The following CACNA2D1 variants were observed in gnomAD, a reference collection of about 807,000 sequenced individuals.
The protein encoded by CACNA2D1 is voltage-dependent calcium channel subunit alpha-2/delta-1.
A neutral mutation model predicts 171.5 loss-of-function variants in CACNA2D1; 53 were observed. The ratio of observed to expected loss-of-function variants is 0.31; its 90% CI spans 0.25 to 0.39. The LOEUF is 0.39. CACNA2D1 is among the 10% of genes least tolerant of loss of function. The pLI is 1.00. For synonymous variants in CACNA2D1, 442 were observed against 443.1 expected, an observed-to-expected ratio of 1.00 and a Z score of 0.03; for missense variants, 903 against 1,299.8, an observed-to-expected ratio of 0.69 and a Z score of 4.69.
At chr7:82,158,876 A>C (rs1295004811) in intron 4 of CACNA2D1, among the ~76,000 whole-genome samples, 5 of 151,892 alleles carry the variant, frequency 3.3e-5, no homozygotes, top group Non-Finnish European at 5.9e-5. Flanking sequence ...TTAAACAGCA[A>C]ATATCCTATT....
Position 82,140,954 on chromosome 7 carries a change from T to TTAAAAAAA in CACNA2D1, c.355-4279_355-4278insTTTTTTTA, listed in dbSNP as rs1368347851. On this transcript the variant is annotated intron_variant, in intron 4 of 38. Coordinates refer to ENST00000356860, the MANE Select transcript of CACNA2D1 (RefSeq NM_000722.4). The stretch of plus-strand genomic sequence containing the variant: ...TAGGCGACAGAGCAAGACTCGTCTC[T>TTAAAAAAA]AAAAAAAAAAAAAAAGAAAAAAAAA... Among the ~76,000 whole-genome samples the TTAAAAAAA allele has an allele frequency of 3.6e-3, 329 of 91,722 alleles. 4 individuals are homozygous for TTAAAAAAA. Among genetic ancestry groups the TTAAAAAAA allele is most frequent in the Middle Eastern group, 0.014 (2 of 148 alleles). 60.2% of individuals were successfully genotyped at this position (91,722 alleles called of 152,430 possible).
intron 3 of CACNA2D1, among the ~76,000 whole-genome samples, chr7:82,188,494 G>A (rs1797986682): frequency 6.6e-6 from 1 of 152,006 alleles, no homozygotes; most frequent in Admixed American, 6.6e-5. Flanking sequence ...GTATCATCAT[G>A]GGAACTTGGT....
chr7:82,196,157 G>A (rs1798833561), intron 3 of CACNA2D1, among the ~76,000 whole-genome samples: 1 of 152,038 alleles, frequency 6.6e-6, no homozygotes, highest in South Asian at 2.1e-4. Context: ...CAAAGTAGAA[G>A]ATTAGCTAAG....
chr7:82,111,348 A>C (rs542160230), intron 6 of CACNA2D1, among the ~76,000 whole-genome samples: 2 of 107,548 alleles, frequency 1.9e-5, no homozygotes, highest in African/African-American at 3.6e-5. Context: ...ATATATTCAT[A>C]TATATGTGTA....
chr7:82,342,586 T>C (rs924943585), intron 2 of CACNA2D1, among the ~76,000 whole-genome samples: 4 of 152,068 alleles, frequency 2.6e-5, no homozygotes, highest in Non-Finnish European at 2.9e-5. Flanking sequence ...ATTCCAACAA[T>C]AGAATAAATA....
At chr7:82,385,909 C>A (rs1824306887) in intron 1 of CACNA2D1, among the ~76,000 whole-genome samples, 1 of 152,128 alleles carries the variant, frequency 6.6e-6, no homozygotes, top group South Asian at 2.1e-4. Context: ...AAGTGATCCA[C>A]CTGCCTCGGC....
intron 1 of CACNA2D1, among the ~76,000 whole-genome samples, chr7:82,409,995 A>T (rs1445767064): frequency 6.6e-6 from 1 of 152,226 alleles, no homozygotes; most frequent in African/African-American, 2.4e-5. Context: ...ATATTTAAAC[A>T]TATGTCAACA....
In CACNA2D1 at chr7:82,376,096, G is replaced by A. The variant is rs569340943; in HGVS notation, c.96-26447C>T. 1.8e-4 allele frequency among the ~76,000 whole-genome samples: 28 copies of A among 152,230 alleles called. No individual in the cohort carries two copies. The South Asian group carries it at 5.6e-3, about 30-fold the overall frequency. On this transcript the variant is annotated intron_variant, in intron 1 of 38. Transcript: ENST00000356860. ...AACATACACAAAAAAAAATCTGCCTGGTGTCCAATTCATCAGCCTGGGAGA... is the reference window on the plus strand; with the variant it reads ...AACATACACAAAAAAAAATCTGCCTAGTGTCCAATTCATCAGCCTGGGAGA...
At chr7:82,181,427 AC>A (rs1179906696) in intron 3 of CACNA2D1, among the ~76,000 whole-genome samples, 1 of 152,142 alleles carries the variant, frequency 6.6e-6, no homozygotes, top group Admixed American at 6.5e-5. Flanking sequence ...GTGTGCCCAG[AC>A]CCGCTGGGGC....
In CACNA2D1 at chr7:81,965,609, A is replaced by G. The variant is rs1484996629; in HGVS notation, c.2559T>C (p.Asp853=). The change falls in exon 32 of 39, where the codon GAT becomes GAC. Residue 853 remains aspartate, a synonymous_variant. Transcript: ENST00000356860. ...DGGFLLMANH[D]DYTNQIGRFF... is the part of the protein sequence containing the mutation. The stretch of plus-strand genomic sequence containing the variant: ...AGGTACATACCTGATTAGTATAATC[A>G]TCATGATTTGCCATCAGAAGAAACC... 1.3e-6 allele frequency: 2 copies of G among 1,576,354 alleles called. No individual in the cohort carries two copies. Among genetic ancestry groups the G allele is most frequent in the East Asian group, 2.2e-5 (1 of 44,546 alleles).
chr7:82,368,035 C>T (rs1821950751), intron 1 of CACNA2D1, among the ~76,000 whole-genome samples: 1 of 152,108 alleles, frequency 6.6e-6, no homozygotes, highest in Admixed American at 6.5e-5. Flanking sequence ...GAAGCCATCG[C>T]ATTAGCAACC....
intron 3 of CACNA2D1, among the ~76,000 whole-genome samples, chr7:82,225,516 C>T (rs142193618): frequency 6.6e-6 from 1 of 152,204 alleles, no homozygotes; most frequent in African/African-American, 2.4e-5. Flanking sequence ...AAAAGTTGCA[C>T]ATCTTATATG....
At chr7:82,360,859 T>C (rs975652748) in intron 1 of CACNA2D1, among the ~76,000 whole-genome samples, 4 of 152,096 alleles carry the variant, frequency 2.6e-5, no homozygotes, top group East Asian at 1.9e-4. Flanking sequence ...TATTTAACAA[T>C]CAAAAAGCTG....
intron 4 of CACNA2D1, among the ~76,000 whole-genome samples, chr7:82,162,417 G>A (rs969696223): frequency 2.0e-5 from 3 of 151,976 alleles, no homozygotes; most frequent in Non-Finnish European, 4.4e-5. Flanking sequence ...CGGCTAGGCT[G>A]GTTTGGAAGG....
intron 10 of CACNA2D1, chr7:82,050,332 C>A: frequency 2.4e-6 from 1 of 415,680 alleles, no homozygotes. Context: ...AAATACAAGC[C>A]CTCTGAGTCA....
chr7:82,329,706 T>C (rs913984183), intron 3 of CACNA2D1, among the ~76,000 whole-genome samples: 5 of 152,264 alleles, frequency 3.3e-5, no homozygotes, highest in African/African-American at 1.2e-4. Context: ...TTAAGAATAA[T>C]CCAATGATAT....
intron 38 of CACNA2D1, among the ~76,000 whole-genome samples, chr7:81,952,757 T>C (rs1792754817): frequency 6.6e-6 from 1 of 152,122 alleles, no homozygotes; most frequent in East Asian, 1.9e-4. Flanking sequence ...GATGATCTAA[T>C]CCCCAGTCCT....
chr7:82,127,327 CCT>C (rs1450313650), intron 5 of CACNA2D1, among the ~76,000 whole-genome samples: 1 of 152,116 alleles, frequency 6.6e-6, no homozygotes, highest in Admixed American at 6.5e-5. Flanking sequence ...TTTATTATTT[CCT>C]CTCTTCATTT....
chr7:81,954,517 A>G (rs1368147865), intron 38 of CACNA2D1, among the ~76,000 whole-genome samples: 1 of 152,036 alleles, frequency 6.6e-6, no homozygotes, highest in Non-Finnish European at 1.5e-5. Flanking sequence ...AGTGGCTAAA[A>G]TCTTTTGAAG....
Sources: allele counts gnomAD v4.1 joint callset (sites outside exome capture counted in the v4.1 genomes callset), GRCh38; gene constraint gnomAD v4.1.1; transcripts MANE v1.5; gene names NCBI Gene and HGNC (gene_info 2026-07-23, HGNC 2026-07-21).